EGFLAM: variants seen among roughly 807,000 people sequenced by gnomAD.
The protein encoded by EGFLAM is pikachurin.
Under a neutral mutation model 113.1 loss-of-function variants are expected in EGFLAM, and 79 were observed. The ratio of observed to expected loss-of-function variants is 0.70; its 90% CI spans 0.58 to 0.84. EGFLAM has a LOEUF of 0.84. EGFLAM is among the 40% of genes least tolerant of loss of function. EGFLAM has a pLI of 0.00. For synonymous variants in EGFLAM, 504 were observed against 487.6 expected (o/e 1.03, Z -0.44); for missense variants, 1,265 against 1,291.6 (o/e 0.98, Z 0.32).
intron 6 of EGFLAM, among the ~76,000 whole-genome samples, chr5:38,370,926 C>T (rs781515518): frequency 6.6e-6 from 1 of 152,116 alleles, no homozygotes; most frequent in Non-Finnish European, 1.5e-5. Context: ...AGAAGTTGAG[C>T]GCTGACATGG....
chr5:38,272,684 A>G (rs35303319), intron 1 of EGFLAM, among the ~76,000 whole-genome samples: 13,525 of 152,138 alleles, frequency 0.089, 663 homozygotes, highest in South Asian at 0.13. Context: ...AAAAATGAAT[A>G]CTCCTGGTAA....
At position 38,412,561 on chromosome 5, in the gene EGFLAM, G is replaced by C; in HGVS notation, c.1407G>C (p.Gly469=). ...IIVSETKIKL[G]GWHTVMLYRD... is the part of the protein sequence containing the mutation. ...TAAGTGAGACCAAAATCAAACTAGG[G>C]GGTTGGCACACGGTTATGCTCTACA... The change falls in exon 11 of 22, where the codon GGG becomes GGC. Residue 469 remains glycine (G), a synonymous_variant. Transcript: ENST00000322350. The C allele has an allele frequency of 6.2e-7, 1 of 1,614,148 alleles. No homozygotes were observed. Among genetic ancestry groups the C allele is most frequent in the South Asian group, 1.1e-5 (1 of 91,078 alleles).
intron 6 of EGFLAM, among the ~76,000 whole-genome samples, chr5:38,373,103 C>T (rs886768288): frequency 1.3e-5 from 2 of 152,080 alleles, no homozygotes; most frequent in African/African-American, 4.8e-5. Context: ...ATCAGAGCTA[C>T]CATTGGGAAG....
chr5:38,276,633 GA>G (rs1757893693), intron 1 of EGFLAM, among the ~76,000 whole-genome samples: 1 of 151,510 alleles, frequency 6.6e-6, no homozygotes, highest in Non-Finnish European at 1.5e-5. Flanking sequence ...ACAAAACAAA[GA>G]GTTGGTTTTT....
chr5:38,463,390 A>G (rs111341047), intron 21 of EGFLAM, among the ~76,000 whole-genome samples: 3,717 of 152,354 alleles, frequency 0.024, 153 homozygotes, highest in African/African-American at 0.083. Context: ...TAGTGCAGAC[A>G]CATAAAAATG....
intron 3 of EGFLAM, among the ~76,000 whole-genome samples, chr5:38,350,115 T>C (rs1050577058): frequency 1.3e-5 from 2 of 152,200 alleles, no homozygotes; most frequent in African/African-American, 4.8e-5. Flanking sequence ...CAGCTGCAGC[T>C]ATTCTCTGAG....
At chr5:38,362,457 A>G (rs760823001) in intron 5 of EGFLAM, among the ~76,000 whole-genome samples, 4 of 152,198 alleles carry the variant, frequency 2.6e-5, no homozygotes, top group Non-Finnish European at 4.4e-5. Context: ...GAAAATATTT[A>G]AAGAATTATT....
At chr5:38,340,470 C>T (rs948714331) in intron 3 of EGFLAM, among the ~76,000 whole-genome samples, 23 of 152,176 alleles carry the variant, frequency 1.5e-4, no homozygotes, top group Admixed American at 6.5e-5. Context: ...TTTTGACAAA[C>T]TTGCATAGGG....
intron 17 of EGFLAM, chr5:38,445,502 T>C (rs1315521795): frequency 6.7e-7 from 1 of 1,494,048 alleles, no homozygotes; most frequent in East Asian, 2.4e-5. Context: ...AGATTTCCAG[T>C]GGTTCCCCGC....
At chr5:38,320,374 A>G (rs1738708429) in intron 1 of EGFLAM, among the ~76,000 whole-genome samples, 1 of 152,200 alleles carries the variant, frequency 6.6e-6, no homozygotes. Context: ...CAAGTCTTTC[A>G]GGTGATTCTG....
intron 1 of EGFLAM, among the ~76,000 whole-genome samples, chr5:38,309,155 C>A (rs1050860692): frequency 6.6e-6 from 1 of 152,154 alleles, no homozygotes; most frequent in African/African-American, 2.4e-5. Flanking sequence ...TGTCTGTATT[C>A]TTGAAGTTAT....
chr5:38,433,322 G>C (rs956137788), intron 15 of EGFLAM, among the ~76,000 whole-genome samples: 4 of 152,202 alleles, frequency 2.6e-5, no homozygotes, highest in Non-Finnish European at 5.9e-5. Flanking sequence ...GCTTGAGTCC[G>C]ACTATGCAAG....
chr5:38,324,485 A>G (rs1738827540), intron 1 of EGFLAM, among the ~76,000 whole-genome samples: 2 of 152,144 alleles, frequency 1.3e-5, no homozygotes, highest in African/African-American at 4.8e-5. Context: ...GCCCTCAAGG[A>G]CACTTCAAAC....
chr5:38,380,678 G>A (rs1381043899), intron 6 of EGFLAM, among the ~76,000 whole-genome samples: 1 of 152,206 alleles, frequency 6.6e-6, no homozygotes, highest in Non-Finnish European at 1.5e-5. Flanking sequence ...CATTCAGGGT[G>A]TCCTCCATGG....
intron 1 of EGFLAM, among the ~76,000 whole-genome samples, chr5:38,307,917 G>C (rs1758764852): frequency 6.6e-6 from 1 of 152,180 alleles, no homozygotes; most frequent in Non-Finnish European, 1.5e-5. Flanking sequence ...GGCTTTCTTG[G>C]CTTTGACTGC....
At chr5:38,355,134 G>T (rs1364325753) in intron 5 of EGFLAM, among the ~76,000 whole-genome samples, 1 of 152,162 alleles carries the variant, frequency 6.6e-6, no homozygotes, top group East Asian at 1.9e-4. Context: ...GACAGGAAAG[G>T]AGGATATATA....
rs1378080933 is a variant in EGFLAM at position 38,412,545 on chromosome 5, C to A, written c.1391C>A (p.Thr464Asn). 5 of 1,614,000 alleles carry A rather than the reference C, an allele frequency of 3.1e-6. No homozygotes were observed. The highest frequency in any genetic ancestry group is 1.6e-4 in the Middle Eastern group (1 of 6,084). The part of the protein sequence containing the change: ...GTGVAIIVSE[T>N]KIKLGGWHTV... ...GGGGTTGCCATCATCGTAAGTGAGACCAAAATCAAACTAGGGGGTTGGCAC... is the reference window on the plus strand; with the variant it reads ...GGGGTTGCCATCATCGTAAGTGAGAACAAAATCAAACTAGGGGGTTGGCAC... The change falls in exon 11 of 22, where the codon ACC (threonine) becomes AAC (asparagine). Residue 464 changes from threonine (T) to asparagine (N), a missense_variant. Physicochemically the swap from Thr to Asn is moderately conservative, Grantham distance 65 (BLOSUM62 0). Coordinates refer to ENST00000322350, the MANE Select transcript of EGFLAM (RefSeq NM_152403.4).
chr5:38,369,948 T>C (rs1348755868), intron 5 of EGFLAM, among the ~76,000 whole-genome samples: 1 of 152,214 alleles, frequency 6.6e-6, no homozygotes, highest in Non-Finnish European at 1.5e-5. Context: ...GGATGGGGAC[T>C]GCCAAAGGGA....
At position 38,420,983 on chromosome 5, in the gene EGFLAM, A is replaced by G. The variant is rs571471546; in HGVS notation, c.1684+2728A>G. 1.1e-4 allele frequency among the ~76,000 whole-genome samples: 16 copies of G among 152,288 alleles called. No individual in the cohort carries two copies. In the South Asian group the frequency reaches 3.3e-3, roughly 32 times the overall value. On this transcript the variant is annotated intron_variant, in intron 12 of 21. Transcript: ENST00000322350. ...TTCGCATTTCATTTCCCCCGGGGTT[A>G]TAAGAGTGGGGCTGATTATCCTTCC...
Sources: gnomAD v4.1 joint callset for allele counts (sites outside exome capture counted in the v4.1 genomes callset) on GRCh38, gnomAD v4.1.1 for gene constraint, MANE v1.5 for transcripts, NCBI Gene and HGNC (gene_info 2026-07-23, HGNC 2026-07-21) for gene names.